ZMAT4: variants seen among roughly 807,000 people sequenced by gnomAD.
ZMAT4 encodes zinc finger matrin-type protein 4.
ZMAT4 carries 17 observed loss-of-function variants against 28.7 expected under a neutral mutation model. The observed-to-expected ratio is 0.59, with a 90% CI of 0.41 to 0.89. The LOEUF (loss-of-function observed/expected upper bound fraction) is 0.89, where lower values mean the gene tolerates loss of function less well. Among genes scored for constraint, ZMAT4 ranks in the 40% least tolerant of loss-of-function variants. The pLI is 0.00. For missense variants in ZMAT4, 240 were observed against 283.8 expected, an observed-to-expected ratio of 0.85 and a Z score of 1.11; for synonymous variants, 117 against 109.2, an observed-to-expected ratio of 1.07 and a Z score of -0.44.
intron 5 of ZMAT4, among the ~76,000 whole-genome samples, chr8:40,587,465 C>A (rs1055259930): frequency 6.6e-6 from 1 of 152,100 alleles, no homozygotes; most frequent in Admixed American, 6.5e-5. Flanking sequence ...AATGTACAGG[C>A]ATGTAAAATC....
intron 5 of ZMAT4, among the ~76,000 whole-genome samples, chr8:40,662,887 C>A (rs1563396263): frequency 6.6e-6 from 1 of 152,160 alleles, no homozygotes. Flanking sequence ...AGAAATATAT[C>A]TTTCACTCGT....
intron 5 of ZMAT4, among the ~76,000 whole-genome samples, chr8:40,614,855 C>T (rs1366724371): frequency 3.9e-5 from 6 of 152,146 alleles, no homozygotes; most frequent in Non-Finnish European, 8.8e-5. Flanking sequence ...ATACAGCACA[C>T]TGATGGGTCT....
chr8:40,828,759 T>C (rs967467949), intron 1 of ZMAT4, among the ~76,000 whole-genome samples: 14 of 152,114 alleles, frequency 9.2e-5, no homozygotes, highest in African/African-American at 3.4e-4. Flanking sequence ...GTTTTGTACA[T>C]GAGGGCTTTC....
intron 6 of ZMAT4, among the ~76,000 whole-genome samples, chr8:40,532,938 G>A (rs1431469889): frequency 2.0e-5 from 3 of 151,158 alleles, no homozygotes; most frequent in African/African-American, 4.9e-5. Flanking sequence ...AGCCGAGATC[G>A]TGCCACTGCA....
intron 2 of ZMAT4, among the ~76,000 whole-genome samples, chr8:40,777,467 G>A (rs1166883722): frequency 6.6e-6 from 1 of 152,204 alleles, no homozygotes; most frequent in African/African-American, 2.4e-5. Context: ...CCCTTTTCCT[G>A]TTGCCCCGGG....
chr8:40,706,209 T>C (rs998476581), intron 3 of ZMAT4, among the ~76,000 whole-genome samples: 6 of 152,124 alleles, frequency 3.9e-5, no homozygotes, highest in Admixed American at 1.3e-4. Flanking sequence ...TGTACCACCA[T>C]GTCCAACTAA....
At chr8:40,725,728 G>A (rs545948395) in intron 3 of ZMAT4, among the ~76,000 whole-genome samples, 1 of 152,178 alleles carries the variant, frequency 6.6e-6, no homozygotes, top group South Asian at 2.1e-4. Context: ...CCAAGATCGT[G>A]CCACTGCACT....
chr8:40,751,574 G>A (rs1461003026), intron 3 of ZMAT4, among the ~76,000 whole-genome samples: 1 of 151,912 alleles, frequency 6.6e-6, no homozygotes, highest in East Asian at 1.9e-4. Flanking sequence ...TCCCACTTCC[G>A]ACACTGGGAA....
At chr8:40,736,557 A>G (rs1377690596) in intron 3 of ZMAT4, among the ~76,000 whole-genome samples, 1 of 152,254 alleles carries the variant, frequency 6.6e-6, no homozygotes, top group African/African-American at 2.4e-5. Flanking sequence ...ATGGCTGCCC[A>G]GAAGGCACAC....
intron 6 of ZMAT4, among the ~76,000 whole-genome samples, chr8:40,565,131 T>C (rs1021974453): frequency 1.3e-5 from 2 of 152,198 alleles, no homozygotes; most frequent in Admixed American, 6.5e-5. Context: ...TGATCACAAA[T>C]GTCATTTGCT....
intron 1 of ZMAT4, among the ~76,000 whole-genome samples, chr8:40,842,968 G>A (rs1816754756): frequency 6.6e-6 from 1 of 152,066 alleles, no homozygotes; most frequent in Non-Finnish European, 1.5e-5. Flanking sequence ...GTAGAGATGG[G>A]GTTTCGCCAT....
chr8:40,576,128 A>G (rs1056417554), intron 6 of ZMAT4, among the ~76,000 whole-genome samples: 3 of 152,118 alleles, frequency 2.0e-5, no homozygotes, highest in African/African-American at 7.2e-5. Flanking sequence ...AAATAGAAAA[A>G]TAATAAAGAA....
intron 5 of ZMAT4, among the ~76,000 whole-genome samples, chr8:40,600,960 C>T (rs1460246103): frequency 6.6e-6 from 1 of 152,126 alleles, no homozygotes; most frequent in Non-Finnish European, 1.5e-5. Context: ...CACCTGAACT[C>T]TTAACTGCCA....
chr8:40,658,374 A>G (rs1808022031), intron 5 of ZMAT4, among the ~76,000 whole-genome samples: 1 of 152,124 alleles, frequency 6.6e-6, no homozygotes, highest in Non-Finnish European at 1.5e-5. Context: ...ATATTCCTCC[A>G]GAACATCGAT....
chr8:40,541,472 A>G (rs1803026364), intron 6 of ZMAT4, among the ~76,000 whole-genome samples: 1 of 152,228 alleles, frequency 6.6e-6, no homozygotes. Context: ...ATGTGTGGCT[A>G]TTTAAATATA....
At chr8:40,749,383 A>T (rs942585925) in intron 3 of ZMAT4, among the ~76,000 whole-genome samples, 1 of 152,190 alleles carries the variant, frequency 6.6e-6, no homozygotes, top group Non-Finnish European at 1.5e-5. Flanking sequence ...CCTAATAAAA[A>T]TTAAGGAAAT....
chr8:40,658,478 G>A (rs1808028677), intron 5 of ZMAT4, among the ~76,000 whole-genome samples: 1 of 151,932 alleles, frequency 6.6e-6, no homozygotes, highest in Admixed American at 6.6e-5. Context: ...GAATTGGGAT[G>A]GGGCATGGGG....
chr8:40,851,241 T>C (rs903541510), intron 1 of ZMAT4, among the ~76,000 whole-genome samples: 1 of 152,134 alleles, frequency 6.6e-6, no homozygotes, highest in South Asian at 2.1e-4. Context: ...GGCTGGAGAA[T>C]CGCTTGAACC....
intron 6 of ZMAT4, among the ~76,000 whole-genome samples, chr8:40,568,909 A>G (rs1040187993): frequency 3.9e-5 from 6 of 152,104 alleles, no homozygotes; most frequent in African/African-American, 1.4e-4. Flanking sequence ...TTTACTCACC[A>G]TATCATATGT....
Sources: gnomAD v4.1 joint callset for allele counts (sites outside exome capture counted in the v4.1 genomes callset) on GRCh38, gnomAD v4.1.1 for gene constraint, MANE v1.5 for transcripts, NCBI Gene and HGNC (gene_info 2026-07-23, HGNC 2026-07-21) for gene names.